Variants in ZNF576 observed in about 807,000 individuals in gnomAD.
The protein encoded by ZNF576 is zinc finger protein 576.
Under a neutral mutation model 10.8 loss-of-function variants are expected in ZNF576, and 9 were observed. The observed-to-expected ratio is 0.84, with a 90% CI of 0.50 to 1.46. The LOEUF (loss-of-function observed/expected upper bound fraction) is 1.46, where lower values mean the gene tolerates loss of function less well. ZNF576 is among the 40% of genes most tolerant of loss of function. The pLI, the probability that ZNF576 is intolerant of heterozygous loss-of-function variation, is 0.00. For synonymous variants in ZNF576, 88 were observed against 89.6 expected (o/e 0.98, Z 0.10); for missense variants, 191 against 233.7 (o/e 0.82, Z 1.19).
At chr19:43,596,493 G>T (rs780508398), upstream of ZNF576, 1 of 152,390 alleles carries the variant, frequency 6.6e-6, no homozygotes, top group Non-Finnish European at 1.5e-5. Flanking sequence ...GAAACCACGG[G>T]GGCCCTGAGA....
At chr19:43,597,266 C>A in intron 2 of ZNF576, 73 bp downstream of exon 2, 1 of 1,406,114 alleles carries the variant, frequency 7.1e-7, no homozygotes, top group Non-Finnish European at 1.0e-6. Flanking sequence ...TGTGGCACTT[C>A]GGTGTCCAAG....
At position 43,599,110 on chromosome 19, in the gene ZNF576, G is replaced by C. The variant is rs944158338; in HGVS notation, c.365G>C (p.Gly122Ala). The C allele has an allele frequency of 3.7e-6, 6 of 1,614,244 alleles. No homozygotes were observed. The highest frequency in any genetic ancestry group is 5.1e-6 in the Non-Finnish European group (6 of 1,180,048). Residue 122 changes from glycine (G) to alanine (A), a missense_variant, in exon 3 of 3, where the codon GGG becomes GCG. Transcript: ENST00000336564. ...TGTCCTGACTGTGGCAAGACCTTTG[G>C]GCAGGCTGTTTCTCTGAGGCGGCAC... ...FPCPDCGKTF[G>A]QAVSLRRHRQ...
At position 43,599,543 on chromosome 19, in the gene ZNF576, A is replaced by G. The variant is rs1294179658; in HGVS notation, c.*285A>G. ...GAGAGAAATGGTTTGTGTCTCCCTT[A>G]TTCCCAGTTAAATACCTAGCTGCAG... On this transcript the variant is annotated 3_prime_UTR_variant, in exon 3 of 3. Transcript: ENST00000336564. 1 of 429,702 alleles carries G rather than the reference A, an allele frequency of 2.3e-6. No individual in the cohort carries two copies. Among genetic ancestry groups the G allele is most frequent in the Non-Finnish European group, 4.2e-6 (1 of 240,018 alleles). The allele number at this position is 429,702 out of a possible 1,614,324, so 26.6% of individuals were successfully genotyped here.
rs1339253704 is a variant in ZNF576, at chr19:43,599,469, A to C, written c.*211A>C. The stretch of plus-strand genomic sequence containing the variant: ...GGCCTTCGTGAGACAGTGAAATCAG[A>C]TAATAATGAGATCTTTTGTTAAAAA... On this transcript the variant is annotated 3_prime_UTR_variant, in exon 3 of 3. Transcript: ENST00000336564. 1.9e-6 allele frequency: 1 copy of C among 535,016 alleles called. No homozygotes were observed. The highest frequency in any genetic ancestry group is 3.5e-5 in the Admixed American group (1 of 28,330). The allele number at this position is 535,016 out of a possible 1,614,324, so 33.1% of individuals were successfully genotyped here.
intron 2 of ZNF576, among the ~76,000 whole-genome samples, chr19:43,597,784 G>A (rs1045809444): frequency 3.3e-5 from 5 of 152,088 alleles, no homozygotes; most frequent in East Asian, 3.9e-4. Flanking sequence ...CCTTTAAACT[G>A]GGAACTGAGG....
chr19:43,599,519 A>G lies in ZNF576; in HGVS notation c.*261A>G, dbSNP rs1271055505. ...AAAAAAAATGGGAAGGGAGTGCGGG[A>G]GAGAAATGGTTTGTGTCTCCCTTAT... On this transcript the variant is annotated 3_prime_UTR_variant, in exon 3 of 3. Coordinates refer to ENST00000336564, the MANE Select transcript of ZNF576 (RefSeq NM_001145347.2). The G allele has an allele frequency of 2.9e-5, 14 of 490,952 alleles. No homozygotes were observed. The highest frequency in any genetic ancestry group is 2.6e-4 in the African/African-American group (13 of 50,898). 30.4% of individuals were successfully genotyped at this position (490,952 alleles called of 1,614,324 possible).
At position 43,599,942 on chromosome 19, in the gene ZNF576, A is replaced by C. The variant is rs1473709550; in HGVS notation, c.*684A>C. On this transcript the variant is annotated 3_prime_UTR_variant, in exon 3 of 3. Coordinates refer to ENST00000336564, the MANE Select transcript of ZNF576 (RefSeq NM_001145347.2). Reference sequence around the variant, plus strand: ...CATATGTGTAGGTGAAATGGTATGAATAAGCTAACAGGAATAGTATCTAAA... The same window carrying C: ...CATATGTGTAGGTGAAATGGTATGACTAAGCTAACAGGAATAGTATCTAAA... 2 of 152,254 alleles carry C rather than the reference A, an allele frequency of 1.3e-5. No individual in the cohort carries two copies. The highest frequency in any genetic ancestry group is 2.4e-5 in the African/African-American group (1 of 41,446). The allele number at this position is 152,254 out of a possible 1,614,324, so 9.4% of individuals were successfully genotyped here.
Position 43,601,010 on chromosome 19 carries a change from C to T in ZNF576, c.*1752C>T, listed in dbSNP as rs552527836. The T allele has an allele frequency of 1.3e-5, 2 of 152,290 alleles. No individual in the cohort carries two copies. The highest frequency in any genetic ancestry group is 2.1e-4 in the South Asian group (1 of 4,822). The allele number at this position is 152,290 out of a possible 1,614,324, so 9.4% of individuals were successfully genotyped here. Reference sequence around the variant, plus strand: ...TCGTCAATTTCAAGGAGCACAGCCACCATACCAGCCCACTTCCATATTGCT... The same window carrying T: ...TCGTCAATTTCAAGGAGCACAGCCATCATACCAGCCCACTTCCATATTGCT... On this transcript the variant is annotated 3_prime_UTR_variant, in exon 3 of 3. Coordinates refer to ENST00000336564, the MANE Select transcript of ZNF576 (RefSeq NM_001145347.2).
rs1194601366 is a variant in ZNF576 at position 43,600,313 on chromosome 19, T to C, written c.*1055T>C. On this transcript the variant is annotated 3_prime_UTR_variant, in exon 3 of 3. Transcript: ENST00000336564. ...TCCCACCAGGCCAGTTTTACCCCCT[T>C]AGTTACCTGCCCTGCACCTGCAGAC... The C allele has an allele frequency of 6.6e-6, 1 of 152,220 alleles. No individual in the cohort carries two copies. The highest frequency in any genetic ancestry group is 2.4e-5 in the African/African-American group (1 of 41,428). The allele number at this position is 152,220 out of a possible 1,614,324, so 9.4% of individuals were successfully genotyped here. A position where few individuals can be genotyped will look rare whatever the true frequency, so the allele number is the denominator to read the frequency against.
chr19:43,599,377 C>A lies in ZNF576; in HGVS notation c.*119C>A. The stretch of plus-strand genomic sequence containing the variant: ...GATTTGCTTCCCTCCCCTGGGAAGG[C>A]AGAGGGCTCTTAATAAAGAGGACCC... On this transcript the variant is annotated 3_prime_UTR_variant, in exon 3 of 3. Transcript: ENST00000336564. 9.6e-7 allele frequency: 1 copy of A among 1,045,880 alleles called. No individual in the cohort carries two copies. The highest frequency in any genetic ancestry group is 1.4e-6 in the Non-Finnish European group (1 of 736,580). The allele number at this position is 1,045,880 out of a possible 1,614,324, so 64.8% of individuals were successfully genotyped here.
rs767990870 is a variant in ZNF576, at chr19:43,597,125, C to T, written c.17C>T (p.Pro6Leu). MEDPN[P>L]EENMKQQDSP... ...CCCAGCACCATGGAGGACCCGAACCCTGAAGAGAACATGAAGCAGCAGGAT... is the reference window on the plus strand; with the variant it reads ...CCCAGCACCATGGAGGACCCGAACCTTGAAGAGAACATGAAGCAGCAGGAT... The change falls in exon 2 of 3, where the codon CCT (proline) becomes CTT (leucine). Residue 6 changes from proline to leucine, a missense_variant. Coordinates refer to ENST00000336564, the MANE Select transcript of ZNF576 (RefSeq NM_001145347.2). The T allele has an allele frequency of 4.3e-6, 7 of 1,613,952 alleles. No homozygotes were observed. Among genetic ancestry groups the T allele is most frequent in the Non-Finnish European group, 5.9e-6 (7 of 1,180,000 alleles).
rs1973196563 is a variant in ZNF576 at position 43,600,360 on chromosome 19, A to C, written c.*1102A>C. 6.6e-6 allele frequency: 1 copy of C among 152,186 alleles called. No homozygotes were observed. Among genetic ancestry groups the C allele is most frequent in the Non-Finnish European group, 1.5e-5 (1 of 68,046 alleles). The allele number at this position is 152,186 out of a possible 1,614,324, so 9.4% of individuals were successfully genotyped here. ...AGACAATGGTCGATGCCTTGCATAT[A>C]ATACTTATAGACTCTGTTTATGTTG... is the stretch of plus-strand genomic sequence containing the variant. On this transcript the variant is annotated 3_prime_UTR_variant, in exon 3 of 3. Coordinates refer to ENST00000336564, the MANE Select transcript of ZNF576 (RefSeq NM_001145347.2).
intron 2 of ZNF576, 137 bp downstream of exon 2, chr19:43,597,330 C>A: frequency 1.4e-6 from 1 of 725,258 alleles, no homozygotes; most frequent in Admixed American, 2.3e-5. Context: ...CTGAGCTGCT[C>A]TAGCAGGAAG....
chr19:43,597,234 C>G (rs1236574863), intron 2 of ZNF576, 41 bp downstream of exon 2: 5 of 1,575,090 alleles, frequency 3.2e-6, no homozygotes, highest in East Asian at 2.2e-5. Context: ...GGGTGGGGTG[C>G]AGGAGCTGAT....
At chr19:43,598,398 A>G (rs1163349726) in intron 2 of ZNF576, among the ~76,000 whole-genome samples, 2 of 152,132 alleles carry the variant, frequency 1.3e-5, no homozygotes, top group Admixed American at 6.5e-5. Context: ...CTGTACAGCA[A>G]TTCATTTATT....
In ZNF576 at chr19:43,599,068, C is replaced by T. The variant is rs760666894; in HGVS notation, c.323C>T (p.Ala108Val). ...KPTLPVATTT[A>V]QPTFPCPDCG... ...ACCCTGCCGGTTGCAACCACTACTG[C>T]CCAGCCCACCTTCCCTTGTCCTGAC... Residue 108 changes from alanine to valine, a missense_variant, in exon 3 of 3, where the codon GCC (alanine) becomes GTC (valine). Coordinates refer to ENST00000336564, the MANE Select transcript of ZNF576 (RefSeq NM_001145347.2). The T allele has an allele frequency of 3.1e-6, 5 of 1,614,118 alleles. No individual in the cohort carries two copies. The highest frequency in any genetic ancestry group is 1.3e-5 in the African/African-American group (1 of 74,934).
chr19:43,597,020 C>CAT, intron 1 of ZNF576, 74 bp from the exon 2 acceptor site: 1 of 1,315,814 alleles, frequency 7.6e-7, no homozygotes, highest in Non-Finnish European at 1.1e-6. Context: ...TGTCAAAGGT[C>CAT]ATAGACTTAG....
At chr19:43,597,977 G>C (rs183926186) in intron 2 of ZNF576, among the ~76,000 whole-genome samples, 2 of 152,294 alleles carry the variant, frequency 1.3e-5, no homozygotes, top group Admixed American at 1.3e-4. Context: ...TGTGGGTGGT[G>C]ATTTTGGGGA....
intron 2 of ZNF576, 100 bp from the exon 3 acceptor site, chr19:43,598,731 T>C (rs2043832146): frequency 9.1e-6 from 9 of 993,386 alleles, no homozygotes; most frequent in Non-Finnish European, 1.4e-5. Context: ...ACCTAGCACA[T>C]AACACATTCA....
Sources: allele counts gnomAD v4.1 joint callset (sites outside exome capture counted in the v4.1 genomes callset), GRCh38; gene constraint gnomAD v4.1.1; transcripts MANE v1.5; gene names NCBI Gene and HGNC (gene_info 2026-07-23, HGNC 2026-07-21).